RIMS2: variants seen among roughly 807,000 people sequenced by gnomAD.
RIMS2 encodes the protein regulating synaptic membrane exocytosis 2.
In RIMS2, 59 loss-of-function variants were observed where a neutral mutation model predicts 174.4. That is an observed-to-expected ratio of 0.34 (90% CI 0.27 to 0.42). RIMS2 has a LOEUF of 0.42. Ranked by LOEUF, RIMS2 falls within the 10% of genes least tolerant of loss-of-function variation. RIMS2 has a pLI of 1.00. For synonymous variants in RIMS2, 606 were observed against 572.5 expected (o/e 1.06, Z -0.84); for missense variants, 1,620 against 1,666.3 (o/e 0.97, Z 0.48).
intron 19 of RIMS2, among the ~76,000 whole-genome samples, chr8:104,043,387 G>A (rs2096641778): frequency 6.6e-6 from 1 of 151,512 alleles, no homozygotes; most frequent in Admixed American, 6.6e-5. Context: ...TGTAATGATT[G>A]GCTCATTAGC....
intron 19 of RIMS2, among the ~76,000 whole-genome samples, chr8:104,138,247 A>G (rs1007677408): frequency 1.3e-5 from 2 of 152,186 alleles, no homozygotes; most frequent in Non-Finnish European, 2.9e-5. Context: ...TAGTGCTGCA[A>G]TAACCATGAG....
At chr8:103,989,403 A>G (rs1481980371) in exon 17 of RIMS2, 1 of 1,583,650 alleles carries the variant, frequency 6.3e-7, no homozygotes. Context: ...GATGACCATT[A>G]TTCTCCAGAT....
At chr8:103,757,002 T>TGAGA (rs1564526983) in intron 2 of RIMS2, among the ~76,000 whole-genome samples, 2 of 144,294 alleles carry the variant, frequency 1.4e-5, no homozygotes, top group Admixed American at 6.7e-5. Flanking sequence ...TGTGTGTGTG[T>TGAGA]GTGTGTGTGA....
chr8:104,095,894 C>A (rs977887952), intron 19 of RIMS2, among the ~76,000 whole-genome samples: 3 of 152,100 alleles, frequency 2.0e-5, no homozygotes, highest in African/African-American at 7.2e-5. Context: ...GTGATTTAGC[C>A]GATGTCCCTT....
intron 3 of RIMS2, among the ~76,000 whole-genome samples, chr8:103,863,899 G>GTT (rs1554902284): frequency 8.8e-6 from 1 of 113,134 alleles, no homozygotes; most frequent in African/African-American, 3.8e-5. Context: ...TTTTTTTTTT[G>GTT]TTTTTTTTGT....
chr8:103,645,277 T>C (rs1159904655), intron 1 of RIMS2, among the ~76,000 whole-genome samples: 1 of 152,124 alleles, frequency 6.6e-6, no homozygotes, highest in East Asian at 1.9e-4. Context: ...ATGATGTGAC[T>C]TTCATTCTTG....
intron 4 of RIMS2, among the ~76,000 whole-genome samples, chr8:103,900,484 T>C (rs531507012): frequency 1.8e-4 from 28 of 152,188 alleles, no homozygotes; most frequent in African/African-American, 5.5e-4. Context: ...AATGTAGGGG[T>C]TATTCTGAAT....
chr8:104,217,122 A>G (rs1229565507), intron 19 of RIMS2, among the ~76,000 whole-genome samples: 1 of 152,072 alleles, frequency 6.6e-6, no homozygotes, highest in Non-Finnish European at 1.5e-5. Flanking sequence ...TTTATTCCTG[A>G]GTTAAATCTT....
At chr8:104,223,594 C>A in intron 19 of RIMS2, 1 of 1,506,650 alleles carries the variant, frequency 6.6e-7, no homozygotes, top group South Asian at 1.3e-5. Context: ...GACGCTGCGC[C>A]CCAGCCGCCA....
chr8:103,985,234 G>A (rs1164073879), intron 16 of RIMS2, among the ~76,000 whole-genome samples: 2 of 152,046 alleles, frequency 1.3e-5, no homozygotes, highest in Admixed American at 1.3e-4. Flanking sequence ...CCAGCACTTT[G>A]GGAGGCCAAG....
At chr8:104,238,480 A>T (rs77539849) in intron 19 of RIMS2, among the ~76,000 whole-genome samples, 55 of 152,104 alleles carry the variant, frequency 3.6e-4, no homozygotes, top group African/African-American at 1.3e-3. Flanking sequence ...AAAAAAAAAA[A>T]TCTGCTGAGG....
At chr8:103,599,919 T>C (rs975084197) in intron 1 of RIMS2, among the ~76,000 whole-genome samples, 1 of 152,172 alleles carries the variant, frequency 6.6e-6, no homozygotes, top group African/African-American at 2.4e-5. Flanking sequence ...CTTGTAGTTA[T>C]TTAAAAATTT....
intron 7 of RIMS2, among the ~76,000 whole-genome samples, chr8:103,916,103 T>G (rs2076587070): frequency 6.6e-6 from 1 of 151,860 alleles, no homozygotes; most frequent in Non-Finnish European, 1.5e-5. Flanking sequence ...AAACCTGGAG[T>G]ATAGAGTCAT....
At chr8:103,670,514 T>C (rs1164841229) in intron 1 of RIMS2, among the ~76,000 whole-genome samples, 2 of 152,206 alleles carry the variant, frequency 1.3e-5, no homozygotes, top group African/African-American at 2.4e-5. Context: ...CTGTTTCCCT[T>C]TTAAAACTGA....
intron 19 of RIMS2, among the ~76,000 whole-genome samples, chr8:104,029,224 G>A (rs1283868048): frequency 6.6e-6 from 1 of 152,080 alleles, no homozygotes; most frequent in Non-Finnish European, 1.5e-5. Context: ...GGATTTGGCT[G>A]GCTTCTTTAC....
intron 3 of RIMS2, among the ~76,000 whole-genome samples, chr8:103,781,361 T>C (rs2098386425): frequency 6.6e-6 from 1 of 152,210 alleles, no homozygotes; most frequent in Non-Finnish European, 1.5e-5. Context: ...AAATTGGTGC[T>C]GTATATTTGT....
chr8:104,183,494 T>A (rs1429383491), intron 19 of RIMS2, among the ~76,000 whole-genome samples: 1 of 151,584 alleles, frequency 6.6e-6, no homozygotes, highest in East Asian at 1.9e-4. Flanking sequence ...AGATTGACAT[T>A]CAAACTAGAC....
intron 3 of RIMS2, among the ~76,000 whole-genome samples, chr8:103,789,183 G>A (rs150801184): frequency 1.4e-4 from 21 of 152,178 alleles, no homozygotes; most frequent in Middle Eastern, 6.8e-3. Flanking sequence ...GCACTCCCTA[G>A]TGAGATGAAC....
intron 3 of RIMS2, chr8:103,880,656 T>C: frequency 1.9e-6 from 1 of 536,124 alleles, no homozygotes. Flanking sequence ...ACATGATGCT[T>C]CATGCTCGAC....
Sources: gnomAD v4.1 joint callset for allele counts (sites outside exome capture counted in the v4.1 genomes callset) on GRCh38, gnomAD v4.1.1 for gene constraint, MANE v1.5 for transcripts, NCBI Gene and HGNC (gene_info 2026-07-23, HGNC 2026-07-21) for gene names.